Variants in TTLL2 observed in about 807,000 individuals in gnomAD.
TTLL2 encodes the protein probable tubulin polyglutamylase TTLL2.
In TTLL2, 10 loss-of-function variants were observed where a neutral mutation model predicts 7.5. The observed-to-expected ratio is 1.33, with a 90% confidence interval of 0.82 to 2.25. The LOEUF is 2.25. Among genes scored for constraint, TTLL2 ranks in the 30% most tolerant of loss-of-function variants. The pLI is 0.00. For missense variants in TTLL2, 733 were observed against 735.7 expected, an observed-to-expected ratio of 1.00 and a Z score of 0.04; for synonymous variants, 284 against 280.3, an observed-to-expected ratio of 1.01 and a Z score of -0.13.
At chr6:167,336,029 AT>A (rs1778980296) in intron 1 of TTLL2, among the ~76,000 whole-genome samples, 2 of 151,926 alleles carry the variant, frequency 1.3e-5, no homozygotes, top group Non-Finnish European at 2.9e-5. Context: ...TAGAGACCAC[AT>A]TTCCTGTATC....
In TTLL2 at chr6:167,342,611, C is replaced by T. The variant is rs990814914; in HGVS notation, c.*932C>T. ...ATATAGAGGTGATGGTTGCACAACA[C>T]GGGGAATTCACTAAGTATCACTCAT... On this transcript the variant is annotated 3_prime_UTR_variant, in exon 3 of 3. Transcript: ENST00000239587. Among the ~76,000 whole-genome samples the T allele has an allele frequency of 2.0e-5, 3 of 151,958 alleles. No individual in the cohort carries two copies. Among genetic ancestry groups the T allele is most frequent in the Non-Finnish European group, 4.4e-5 (3 of 68,014 alleles).
intron 1 of TTLL2, among the ~76,000 whole-genome samples, chr6:167,329,343 A>G (rs1778890813): frequency 6.6e-6 from 1 of 152,086 alleles, no homozygotes; most frequent in African/African-American, 2.4e-5. Context: ...GAAAACCCTC[A>G]CTGAGGCCCT....
At chr6:167,338,586 T>C in intron 1 of TTLL2, 61 bp from the exon 2 acceptor site, 1 of 1,547,242 alleles carries the variant, frequency 6.5e-7, no homozygotes, top group Non-Finnish European at 8.8e-7. Flanking sequence ...ATGTTCCTTA[T>C]TAAAGCAACA....
At chr6:167,338,907 TTC>T (rs1779032290) in intron 2 of TTLL2, 104 bp downstream of exon 2, 11 of 1,168,124 alleles carry the variant, frequency 9.4e-6, no homozygotes, top group Non-Finnish European at 1.2e-5. Flanking sequence ...CTCTTCCTTC[TTC>T]TTTTTCTTTC....
chr6:167,342,669 A>G lies in TTLL2; in HGVS notation c.*990A>G, dbSNP rs758110219. The stretch of plus-strand genomic sequence containing the variant: ...TTTGTGTTATGTGTGTTTTACCACA[A>G]TAAAAAAGTTAAAAGCTGGCCATGG... On this transcript the variant is annotated 3_prime_UTR_variant, in exon 3 of 3. Coordinates refer to ENST00000239587, the MANE Select transcript of TTLL2 (RefSeq NM_031949.5). Among the ~76,000 whole-genome samples, 3 of 152,210 alleles carry G rather than the reference A, an allele frequency of 2.0e-5. No homozygotes were observed. Among genetic ancestry groups the G allele is most frequent in the Non-Finnish European group, 4.4e-5 (3 of 68,048 alleles).
In TTLL2 at chr6:167,341,292, G is replaced by T; in HGVS notation, c.1392G>T (p.Met464Ile). 1 of 1,613,684 alleles carries T rather than the reference G, an allele frequency of 6.2e-7. No homozygotes were observed. The highest frequency in any genetic ancestry group is 8.5e-7 in the Non-Finnish European group (1 of 1,179,972). ...ATTCTCTTTCGTTCACAAGCAGAAT[G>T]TACAACGAGGATGACTCTGTGGTGG... is the stretch of plus-strand genomic sequence containing the variant. ...PYDSLSFTSR[M>I]YNEDDSVVEK... Residue 464 changes from methionine to isoleucine, a missense_variant, in exon 3 of 3, where the codon ATG becomes ATT. By Grantham distance (10) the Met-to-Ile change is conservative. Transcript: ENST00000239587.
intron 1 of TTLL2, among the ~76,000 whole-genome samples, chr6:167,332,369 C>T (rs1272779150): frequency 1.3e-5 from 2 of 152,136 alleles, no homozygotes. Flanking sequence ...CGTTAGCTGA[C>T]AGCTCACTGT....
In TTLL2 at chr6:167,340,437, C is replaced by T. The variant is rs1463362628; in HGVS notation, c.537C>T (p.Pro179=). The T allele has an allele frequency of 6.2e-7, 1 of 1,614,192 alleles. No individual in the cohort carries two copies. Among genetic ancestry groups the T allele is most frequent in the Non-Finnish European group, 8.5e-7 (1 of 1,180,034 alleles). Residue 179 remains proline, a synonymous_variant, in exon 3 of 3, where the codon CCC becomes CCT. Transcript: ENST00000239587. Reference sequence around the variant, plus strand: ...GCACTTCCCTGTACCAGTTCATCCCCCTGACGTTCGTCATGCCCAATGACT... The same window carrying T: ...GCACTTCCCTGTACCAGTTCATCCCTCTGACGTTCGTCATGCCCAATGACT... ...MYGTSLYQFI[P]LTFVMPNDYT...
In TTLL2 at chr6:167,341,215, G is replaced by C. The variant is rs767071019; in HGVS notation, c.1315G>C (p.Ala439Pro). Residue 439 changes from alanine to proline, a missense_variant, in exon 3 of 3, where the codon GCT (alanine) becomes CCT (proline). By Grantham distance (27) the Ala-to-Pro change is conservative. Coordinates refer to ENST00000239587, the MANE Select transcript of TTLL2 (RefSeq NM_031949.5). ...CACACATGGAAATTCCAACATCGAC[G>C]CTGCAAAAAGTGACAGAGGTGGGCT... is the stretch of plus-strand genomic sequence containing the variant. The part of the protein sequence containing the change: ...NATHGNSNID[A>P]AKSDRGGLDA... The C allele has an allele frequency of 6.2e-7, 1 of 1,613,476 alleles. No homozygotes were observed. Among genetic ancestry groups the C allele is most frequent in the African/African-American group, 1.3e-5 (1 of 74,688 alleles).
Position 167,340,616 on chromosome 6 carries a change from T to A in TTLL2, c.716T>A (p.Val239Glu). The A allele has an allele frequency of 6.2e-7, 1 of 1,614,236 alleles. No individual in the cohort carries two copies. The highest frequency in any genetic ancestry group is 8.5e-7 in the Non-Finnish European group (1 of 1,180,038). Residue 239 changes from valine (V) to glutamate (E), a missense_variant, in exon 3 of 3, where the codon GTG (valine) becomes GAG (glutamate). Coordinates refer to ENST00000239587, the MANE Select transcript of TTLL2 (RefSeq NM_031949.5). ...TTCATCTTTGATGATATGTACATAGTGCAGAAATATATCTCCAATCCTTTA... is the reference window on the plus strand; with the variant it reads ...TTCATCTTTGATGATATGTACATAGAGCAGAAATATATCTCCAATCCTTTA... ...KDFIFDDMYIVQKYISNPLLI... is the reference protein window; with the variant it reads ...KDFIFDDMYIEQKYISNPLLI...
Position 167,340,347 on chromosome 6 carries a change from A to C in TTLL2, c.447A>C (p.Gly149=). Residue 149 remains glycine, a synonymous_variant, in exon 3 of 3, where the codon GGA becomes GGC. Transcript: ENST00000239587. ...KPWQQLNHHP[G]TTKLTRKDCL... ...GGCAGCAGCTAAACCACCACCCTGGAACCACCAAGCTTACCAGGAAAGACT... is the reference window on the plus strand; with the variant it reads ...GGCAGCAGCTAAACCACCACCCTGGCACCACCAAGCTTACCAGGAAAGACT... 1.9e-6 allele frequency: 3 copies of C among 1,614,160 alleles called. No homozygotes were observed. Among genetic ancestry groups the C allele is most frequent in the South Asian group, 2.2e-5 (2 of 91,078 alleles).
At chr6:167,326,350 G>GT (rs1334486713) in intron 1 of TTLL2, among the ~76,000 whole-genome samples, 1 of 152,058 alleles carries the variant, frequency 6.6e-6, no homozygotes, top group Admixed American at 6.5e-5. Context: ...TAGGTAGGAA[G>GT]TTTTTTTAAG....
At chr6:167,325,781 G>A (rs1778840623) in intron 1 of TTLL2, among the ~76,000 whole-genome samples, 1 of 152,044 alleles carries the variant, frequency 6.6e-6, no homozygotes, top group South Asian at 2.1e-4. Context: ...TAGAAAGGAA[G>A]GGCTTCAAGG....
chr6:167,328,766 G>A (rs1778879223), intron 1 of TTLL2, among the ~76,000 whole-genome samples: 1 of 152,186 alleles, frequency 6.6e-6, no homozygotes, highest in Non-Finnish European at 1.5e-5. Flanking sequence ...TGTAGGCTGT[G>A]ATGTGGCAAC....
intron 1 of TTLL2, among the ~76,000 whole-genome samples, chr6:167,329,157 C>T (rs1314377468): frequency 6.6e-6 from 1 of 152,134 alleles, no homozygotes; most frequent in Non-Finnish European, 1.5e-5. Context: ...TCCCACGGGC[C>T]GCACCTGAAA....
chr6:167,338,903 C>A, intron 2 of TTLL2, 100 bp downstream of exon 2: 1 of 1,166,990 alleles, frequency 8.6e-7, no homozygotes, highest in South Asian at 1.7e-5. Flanking sequence ...TCCCCTCTTC[C>A]TTCTTCTTTT....
Position 167,340,909 on chromosome 6 carries a change from G to A in TTLL2, c.1009G>A (p.Asp337Asn). 2 of 1,614,134 alleles carry A rather than the reference G, an allele frequency of 1.2e-6. No homozygotes were observed. Among genetic ancestry groups the A allele is most frequent in the Non-Finnish European group, 1.7e-6 (2 of 1,180,034 alleles). The stretch of plus-strand genomic sequence containing the variant: ...TTCCTACCTTCGTAGCTGGGATGTG[G>A]ACGATCTGCTTTTGTGGAAGAAAAT... ...FFSYLRSWDV[D>N]DLLLWKKIHR... is the part of the protein sequence containing the mutation. The change falls in exon 3 of 3, where the codon GAC becomes AAC. Residue 337 changes from aspartate to asparagine, a missense_variant. Physicochemically the swap from Asp to Asn is conservative, Grantham distance 23 (BLOSUM62 1). Transcript: ENST00000239587.
At position 167,341,015 on chromosome 6, in the gene TTLL2, T is replaced by G; in HGVS notation, c.1115T>G (p.Phe372Cys). The G allele has an allele frequency of 6.2e-7, 1 of 1,614,104 alleles. No individual in the cohort carries two copies. ...FAANCFELFG[F>C]DILIDDNLKP... ...GCCAATTGCTTTGAGCTCTTTGGGTTTGATATTTTGATTGATGACAACTTG... is the reference window on the plus strand; with the variant it reads ...GCCAATTGCTTTGAGCTCTTTGGGTGTGATATTTTGATTGATGACAACTTG... The change falls in exon 3 of 3, where the codon TTT (phenylalanine) becomes TGT (cysteine). Residue 372 changes from phenylalanine to cysteine, a missense_variant. Phe to Cys is a radical substitution (Grantham distance 205). Coordinates refer to ENST00000239587, the MANE Select transcript of TTLL2 (RefSeq NM_031949.5).
chr6:167,337,091 G>A (rs958142388), intron 1 of TTLL2, among the ~76,000 whole-genome samples: 1 of 152,016 alleles, frequency 6.6e-6, no homozygotes, highest in Non-Finnish European at 1.5e-5. Context: ...TCAACAAACC[G>A]CACATGCTTT....
Sources: allele counts gnomAD v4.1 joint callset (sites outside exome capture counted in the v4.1 genomes callset), GRCh38; gene constraint gnomAD v4.1.1; transcripts MANE v1.5; gene names NCBI Gene and HGNC (gene_info 2026-07-23, HGNC 2026-07-21).